Variants in LRRC28 observed in about 807,000 individuals in gnomAD.
LRRC28 encodes leucine-rich repeat-containing protein 28.
LRRC28 carries 39 observed loss-of-function variants against 45.7 expected under a neutral mutation model. The ratio of observed to expected loss-of-function variants is 0.85; its 90% CI spans 0.66 to 1.12. LRRC28 has a LOEUF of 1.12. Ranked by LOEUF, LRRC28 falls within the 50% of genes most tolerant of loss-of-function variation. The pLI is 0.00. For missense variants in LRRC28, 435 were observed against 438.5 expected, an observed-to-expected ratio of 0.99 and a Z score of 0.07; for synonymous variants, 206 against 178.8, an observed-to-expected ratio of 1.15 and a Z score of -1.22.
At chr15:99,374,343 CTTTTTTGTGTGCT>C (rs1957565316) in intron 9 of LRRC28, among the ~76,000 whole-genome samples, 1 of 152,120 alleles carries the variant, frequency 6.6e-6, no homozygotes, top group South Asian at 2.1e-4. Flanking sequence ...AAATATTTCA[CTTTTTTGTGTGCT>C]TGTAAATGAT....
At chr15:99,334,183 GT>G in intron 6 of LRRC28, 54 bp downstream of exon 6, 1 of 1,593,100 alleles carries the variant, frequency 6.3e-7, no homozygotes, top group South Asian at 1.1e-5. Context: ...GAAAGCCTTT[GT>G]TTCTTTGACT....
At chr15:99,334,202 ATTAG>A (rs1278384329) in intron 6 of LRRC28, 73 bp downstream of exon 6, 28 of 1,526,496 alleles carry the variant, frequency 1.8e-5, no homozygotes, top group Admixed American at 1.0e-4. Flanking sequence ...ACTAGAACCA[ATTAG>A]TTAGTTTCCT....
At position 99,389,293 on chromosome 15, in the gene LRRC28, G is replaced by A. The variant is rs1268442668; in HGVS notation, c.*3191G>A. 6.6e-6 allele frequency: 1 copy of A among 151,930 alleles called. No individual in the cohort carries two copies. The highest frequency in any genetic ancestry group is 2.4e-5 in the African/African-American group (1 of 41,342). The allele number at this position is 151,930 out of a possible 1,614,324, so 9.4% of individuals were successfully genotyped here. On this transcript the variant is annotated 3_prime_UTR_variant, in exon 10 of 10. Transcript: ENST00000301981. ...TACGAATTAAAATCTTTACAGTCTA[G>A]GGGGAAAAAAAGGCTTCAATACCAG...
At chr15:99,337,052 C>T (rs902318620) in intron 6 of LRRC28, among the ~76,000 whole-genome samples, 3 of 152,200 alleles carry the variant, frequency 2.0e-5, no homozygotes, top group Admixed American at 2.0e-4. Flanking sequence ...TACAATTGAA[C>T]TCCTTAAGTC....
Position 99,276,615 on chromosome 15 carries a change from C to T in LRRC28, c.208C>T (p.Leu70=). ...LAQKLPNLVE[L]YLHSNNIVVV... ...TCAGAAGCTTCCAAACCTTGTGGAA[C>T]TGTGAGTCTGTTTATTCAAATTTTT... The change falls in exon 3 of 10, where the codon CTA becomes TTA. Residue 70 remains leucine, a splice_region_variant and synonymous_variant. Coordinates refer to ENST00000301981, the MANE Select transcript of LRRC28 (RefSeq NM_144598.5). 6.6e-7 allele frequency: 1 copy of T among 1,517,238 alleles called. No individual in the cohort carries two copies. Among genetic ancestry groups the T allele is most frequent in the South Asian group, 1.4e-5 (1 of 73,812 alleles). The allele number at this position is 1,517,238 out of a possible 1,614,324, so 94.0% of individuals were successfully genotyped here.
Position 99,354,355 on chromosome 15 carries a change from A to G in LRRC28, c.695+1884A>G, listed in dbSNP as rs546599489. Among the ~76,000 whole-genome samples, 3 of 152,330 alleles carry G rather than the reference A, an allele frequency of 2.0e-5. No homozygotes were observed. In the South Asian group the frequency reaches 6.2e-4, roughly 32 times the overall value. On this transcript the variant is annotated intron_variant, in intron 7 of 9. Coordinates refer to ENST00000301981, the MANE Select transcript of LRRC28 (RefSeq NM_144598.5). ...ACTGAAGCTTTGACAACAAGCATTA[A>G]GAGTCTTCTTTCTTCTGCCTCTTTT...
intron 5 of LRRC28, among the ~76,000 whole-genome samples, chr15:99,289,723 G>C (rs1049584140): frequency 6.7e-6 from 1 of 150,086 alleles, no homozygotes; most frequent in African/African-American, 2.5e-5. Flanking sequence ...CATGAGGTCA[G>C]GAGATCGAGA....
chr15:99,350,021 A>C (rs536727809), intron 6 of LRRC28, among the ~76,000 whole-genome samples: 1 of 151,488 alleles, frequency 6.6e-6, no homozygotes. Context: ...CTGTAGTCCC[A>C]GCTACTCGGG....
At chr15:99,258,167 G>C in intron 2 of LRRC28, 1 of 1,612,556 alleles carries the variant, frequency 6.2e-7, no homozygotes, top group Non-Finnish European at 8.5e-7. Flanking sequence ...TGAAGCACAG[G>C]AAGATGGCCA....
At chr15:99,358,291 G>A (rs1214588882) in intron 7 of LRRC28, among the ~76,000 whole-genome samples, 2 of 152,134 alleles carry the variant, frequency 1.3e-5, no homozygotes, top group African/African-American at 2.4e-5. Context: ...TTTATTAAAG[G>A]ATAGGATATA....
rs1050158821 is a variant in LRRC28, at chr15:99,389,168, A to G, written c.*3066A>G. The G allele has an allele frequency of 1.3e-5, 2 of 152,230 alleles. No homozygotes were observed. Among genetic ancestry groups the G allele is most frequent in the Admixed American group, 6.5e-5 (1 of 15,290 alleles). 9.4% of individuals were successfully genotyped at this position (152,230 alleles called of 1,614,324 possible). On this transcript the variant is annotated 3_prime_UTR_variant, in exon 10 of 10. Coordinates refer to ENST00000301981, the MANE Select transcript of LRRC28 (RefSeq NM_144598.5). Reference sequence around the variant, plus strand: ...TCTCTTCTGGAAAAGTGAGGTGTACATTAAACATCTTTTGGTCACCGTGCC... The same window carrying G: ...TCTCTTCTGGAAAAGTGAGGTGTACGTTAAACATCTTTTGGTCACCGTGCC...
intron 2 of LRRC28, chr15:99,257,728 A>C (rs1158148250): frequency 1.3e-6 from 1 of 778,228 alleles, no homozygotes; most frequent in East Asian, 2.5e-5. Context: ...ACAGTAGAAG[A>C]GGATCTGGGT....
chr15:99,334,407 G>GTGTGTGTGTA (rs1170498549), intron 6 of LRRC28, among the ~76,000 whole-genome samples: 1 of 127,378 alleles, frequency 7.9e-6, no homozygotes, highest in African/African-American at 3.8e-5. Context: ...TAAAGAGTGT[G>GTGTGTGTGTA]TGTGTGTGTG....
At chr15:99,285,360 C>T in intron 3 of LRRC28, 1 of 742,374 alleles carries the variant, frequency 1.3e-6, no homozygotes, top group African/African-American at 1.7e-5. Flanking sequence ...TGTGGCTTTG[C>T]ATTCATGGCT....
At chr15:99,308,286 G>A (rs181135372) in intron 5 of LRRC28, among the ~76,000 whole-genome samples, 31 of 152,180 alleles carry the variant, frequency 2.0e-4, no homozygotes, top group African/African-American at 7.5e-4. Context: ...ATTCTCAGTA[G>A]TGTTTTTTCC....
At chr15:99,271,102 T>G (rs1403260964) in intron 2 of LRRC28, among the ~76,000 whole-genome samples, 1 of 152,244 alleles carries the variant, frequency 6.6e-6, no homozygotes, top group Non-Finnish European at 1.5e-5. Flanking sequence ...TGCCCATTTT[T>G]TAATTGAGTT....
intron 7 of LRRC28, 149 bp from the exon 8 acceptor site, chr15:99,361,187 C>T (rs768113824): frequency 6.3e-5 from 61 of 965,482 alleles, no homozygotes; most frequent in Middle Eastern, 3.4e-4. Flanking sequence ...TGAAGGAACC[C>T]GGGATAGCAT....
intron 5 of LRRC28, among the ~76,000 whole-genome samples, chr15:99,294,584 G>A (rs2082215193): frequency 6.6e-6 from 1 of 152,150 alleles, no homozygotes; most frequent in African/African-American, 2.4e-5. Flanking sequence ...GATCTGGTGA[G>A]GGCTTATTTT....
rs1048418597 is a variant in LRRC28, at chr15:99,388,639, G to A, written c.*2537G>A. 6.6e-6 allele frequency: 1 copy of A among 152,194 alleles called. No individual in the cohort carries two copies. Among genetic ancestry groups the A allele is most frequent in the African/African-American group, 2.4e-5 (1 of 41,436 alleles). 9.4% of individuals were successfully genotyped at this position (152,194 alleles called of 1,614,324 possible). On this transcript the variant is annotated 3_prime_UTR_variant, in exon 10 of 10. Coordinates refer to ENST00000301981, the MANE Select transcript of LRRC28 (RefSeq NM_144598.5). The stretch of plus-strand genomic sequence containing the variant: ...CCAACTGGAGAAAATTTGCCTACAT[G>A]CTATATATTTGAATTGTGTCCAAAG...
Sources: gnomAD v4.1 joint callset for allele counts (sites outside exome capture counted in the v4.1 genomes callset) on GRCh38, gnomAD v4.1.1 for gene constraint, MANE v1.5 for transcripts, NCBI Gene and HGNC (gene_info 2026-07-23, HGNC 2026-07-21) for gene names.